LRATD2: variants seen among roughly 807,000 people sequenced by gnomAD.
LRATD2 encodes LRAT domain containing 2.
Under a neutral mutation model 12.0 loss-of-function variants are expected in LRATD2, and 10 were observed. The observed-to-expected ratio is 0.83, with a 90% CI of 0.51 to 1.41. The LOEUF (loss-of-function observed/expected upper bound fraction) is 1.41. Ranked by LOEUF, LRATD2 falls within the 40% of genes most tolerant of loss-of-function variation. LRATD2 has a pLI of 0.00. For missense variants in LRATD2, 455 were observed against 446.1 expected (o/e 1.02, Z -0.18); for synonymous variants, 220 against 205.8 (o/e 1.07, Z -0.59).
At position 126,556,600 on chromosome 8, in the gene LRATD2, C is replaced by CCG; in HGVS notation, c.788_789dup (p.Ala264ArgfsTer64). On this transcript the variant is annotated frameshift_variant, in exon 2 of 2. Transcript: ENST00000304916. LOFTEE classifies it low-confidence loss of function (END_TRUNC). The surrounding 1 kb of genome is among the most constrained non-coding windows in gnomAD (Gnocchi z 5.6). ...TGCGTGGCGAGCTCCTGCAGCACGGCCGCGCGCCCGATCTGGTCGTTGCGT... is the reference window on the plus strand; with the variant it reads ...TGCGTGGCGAGCTCCTGCAGCACGGCCGCGCGCGCCCGATCTGGTCGTTGCGT... The CCG allele has an allele frequency of 6.2e-7, 1 of 1,610,132 alleles. No homozygotes were observed. The highest frequency in any genetic ancestry group is 8.5e-7 in the Non-Finnish European group (1 of 1,178,230).
At position 126,556,613 on chromosome 8, in the gene LRATD2, C is replaced by G. The variant is rs1294154910; in HGVS notation, c.777G>C (p.Gln259His). Residue 259 changes from glutamine to histidine, a missense_variant, in exon 2 of 2, where the codon CAG (glutamine) becomes CAC (histidine). Physicochemically the swap from Gln to His is conservative, Grantham distance 24 (BLOSUM62 0). Transcript: ENST00000304916. The surrounding 1 kb of genome is among the most constrained non-coding windows in gnomAD (Gnocchi z 5.6). ...CCTGCAGCACGGCCGCGCGCCCGAT[C>G]TGGTCGTTGCGTCGCTTCTCCATGA... Reference protein sequence around the residue: ...DLIMEKRRNDQIGRAAVLQEL... With the variant: ...DLIMEKRRNDHIGRAAVLQEL... 6.2e-7 allele frequency: 1 copy of G among 1,611,112 alleles called. No individual in the cohort carries two copies. The highest frequency in any genetic ancestry group is 1.1e-5 in the South Asian group (1 of 90,946).
In LRATD2 at chr8:126,557,478, G is replaced by A; in HGVS notation, c.-89C>T. ...TTGCACAGGTCCCCGGACAGGGGCT[G>A]AGGCTACCTGTTGGGAGAGGAAGGC... On this transcript the variant is annotated 5_prime_UTR_variant, in exon 2 of 2. Coordinates refer to ENST00000304916, the MANE Select transcript of LRATD2 (RefSeq NM_174911.5). This position sits in a 1 kb window ranked among gnomAD's most constrained non-coding sequence, Gnocchi z 5.3. The A allele has an allele frequency of 1.4e-6, 2 of 1,397,816 alleles. No homozygotes were observed. Among genetic ancestry groups the A allele is most frequent in the African/African-American group, 1.5e-5 (1 of 68,792 alleles). 86.6% of individuals were successfully genotyped at this position (1,397,816 alleles called of 1,614,324 possible).
chr8:126,552,527 G>A lies in LRATD2; in HGVS notation c.*3930C>T, dbSNP rs1171388078. On this transcript the variant is annotated 3_prime_UTR_variant, in exon 2 of 2. Coordinates refer to ENST00000304916, the MANE Select transcript of LRATD2 (RefSeq NM_174911.5). ...AGGTTTTATTTTAATAAGACATAGTGAAGAGGAAATGGCTTAAAAGATATC... is the reference window on the plus strand; with the variant it reads ...AGGTTTTATTTTAATAAGACATAGTAAAGAGGAAATGGCTTAAAAGATATC... 4 of 152,648 alleles carry A rather than the reference G, an allele frequency of 2.6e-5. No individual in the cohort carries two copies. The highest frequency in any genetic ancestry group is 6.5e-5 in the Admixed American group (1 of 15,280). The allele number at this position is 152,648 out of a possible 1,614,324, so 9.5% of individuals were successfully genotyped here.
In LRATD2 at chr8:126,556,409, T is replaced by C. The variant is rs1416021128; in HGVS notation, c.*48A>G. ...AGAGAGGGAGAAAGGGAGCAGCGGC[T>C]GCTACTGCAAACAGTTCCCCTTCGC... On this transcript the variant is annotated 3_prime_UTR_variant, in exon 2 of 2. Coordinates refer to ENST00000304916, the MANE Select transcript of LRATD2 (RefSeq NM_174911.5). The surrounding 1 kb of genome is among the most constrained non-coding windows in gnomAD (Gnocchi z 5.6). 1 of 1,490,356 alleles carries C rather than the reference T, an allele frequency of 6.7e-7. No individual in the cohort carries two copies. The highest frequency in any genetic ancestry group is 8.9e-7 in the Non-Finnish European group (1 of 1,121,360). The allele number at this position is 1,490,356 out of a possible 1,614,324, so 92.3% of individuals were successfully genotyped here.
In LRATD2 at chr8:126,556,353, T is replaced by G. The variant is rs1586532030; in HGVS notation, c.*104A>C. ...TTCCAAAGGGCCCAGGAATCCCAGA[T>G]GGGGCCCAGACAGTGGCAAAAGAGG... On this transcript the variant is annotated 3_prime_UTR_variant, in exon 2 of 2. Transcript: ENST00000304916. This position sits in a 1 kb window ranked among gnomAD's most constrained non-coding sequence, Gnocchi z 5.6. The G allele has an allele frequency of 7.6e-7, 1 of 1,309,896 alleles. No individual in the cohort carries two copies. Among genetic ancestry groups the G allele is most frequent in the East Asian group, 2.8e-5 (1 of 35,734 alleles). The allele number at this position is 1,309,896 out of a possible 1,614,324, so 81.1% of individuals were successfully genotyped here. A position where few individuals can be genotyped will look rare whatever the true frequency, so the allele number is the denominator to read the frequency against.
chr8:126,556,433 G>T lies in LRATD2; in HGVS notation c.*24C>A, dbSNP rs1403857025. ...CTGCTACTGCAAACAGTTCCCCTTC[G>T]CAGCTCTGCGCTCAGCTCGCCCATC... On this transcript the variant is annotated 3_prime_UTR_variant, in exon 2 of 2. Coordinates refer to ENST00000304916, the MANE Select transcript of LRATD2 (RefSeq NM_174911.5). This position sits in a 1 kb window ranked among gnomAD's most constrained non-coding sequence, Gnocchi z 5.6. 2.0e-6 allele frequency: 3 copies of T among 1,531,038 alleles called. No individual in the cohort carries two copies. Among genetic ancestry groups the T allele is most frequent in the South Asian group, 2.5e-5 (2 of 79,800 alleles). The allele number at this position is 1,531,038 out of a possible 1,614,324, so 94.8% of individuals were successfully genotyped here.
At position 126,558,170 on chromosome 8, in the gene LRATD2, C is replaced by T. The variant is rs181485506; in HGVS notation, c.-233G>A. 8.5e-5 allele frequency: 13 copies of T among 153,070 alleles called. No homozygotes were observed. Among genetic ancestry groups the T allele is most frequent in the Non-Finnish European group, 1.9e-4 (13 of 68,658 alleles). The allele number at this position is 153,070 out of a possible 1,614,324, so 9.5% of individuals were successfully genotyped here. A position where few individuals can be genotyped will look rare whatever the true frequency, so the allele number is the denominator to read the frequency against. On this transcript the variant is annotated 5_prime_UTR_variant, in exon 1 of 2. Transcript: ENST00000304916. ...GGCGGCAGCGAGGCTGGGCAGAGGG[C>T]AGCGCAGCGGGCAGACTAGGGGCAT... is the stretch of plus-strand genomic sequence containing the variant.
Position 126,553,191 on chromosome 8 carries a change from A to C in LRATD2, c.*3266T>G, listed in dbSNP as rs989570207. The C allele has an allele frequency of 6.6e-6, 1 of 152,298 alleles. No homozygotes were observed. Among genetic ancestry groups the C allele is most frequent in the Non-Finnish European group, 1.5e-5 (1 of 68,046 alleles). 9.4% of individuals were successfully genotyped at this position (152,298 alleles called of 1,614,324 possible). On this transcript the variant is annotated 3_prime_UTR_variant, in exon 2 of 2. Transcript: ENST00000304916. ...ACATTTCCTTATAGGTCTGGAGTAA[A>C]ATCTTCTAGGCATTTTAGTGCTAAA... is the stretch of plus-strand genomic sequence containing the variant.
In LRATD2 at chr8:126,556,556, C is replaced by G; in HGVS notation, c.834G>C (p.Pro278=). 6.2e-7 allele frequency: 1 copy of G among 1,606,718 alleles called. No individual in the cohort carries two copies. ...ELATHLHPAE[P]EEGDSNVART... is the part of the protein sequence containing the mutation. ...GCGCCACGTTGCTGTCGCCCTCCTC[C>G]GGCTCCGCCGGGTGCAGGTGCGTGG... The change falls in exon 2 of 2, where the codon CCG becomes CCC. Residue 278 remains proline (P), a synonymous_variant. Coordinates refer to ENST00000304916, the MANE Select transcript of LRATD2 (RefSeq NM_174911.5). The surrounding 1 kb of genome is among the most constrained non-coding windows in gnomAD (Gnocchi z 5.6).
Position 126,553,394 on chromosome 8 carries a change from G to A in LRATD2, c.*3063C>T, listed in dbSNP as rs930278357. Reference sequence around the variant, plus strand: ...CTTTCATTTAGCATACGTTCCAGTCGATGTCCTGCTTATCCCTGCCAGAAC... The same window carrying A: ...CTTTCATTTAGCATACGTTCCAGTCAATGTCCTGCTTATCCCTGCCAGAAC... On this transcript the variant is annotated 3_prime_UTR_variant, in exon 2 of 2. Coordinates refer to ENST00000304916, the MANE Select transcript of LRATD2 (RefSeq NM_174911.5). 3 of 152,620 alleles carry A rather than the reference G, an allele frequency of 2.0e-5. No individual in the cohort carries two copies. Among genetic ancestry groups the A allele is most frequent in the Non-Finnish European group, 2.9e-5 (2 of 68,050 alleles). The allele number at this position is 152,620 out of a possible 1,614,324, so 9.5% of individuals were successfully genotyped here. A position where few individuals can be genotyped will look rare whatever the true frequency, so the allele number is the denominator to read the frequency against.
rs982074240 is a variant in LRATD2 at position 126,554,582 on chromosome 8, A to G, written c.*1875T>C. 2 of 152,232 alleles carry G rather than the reference A, an allele frequency of 1.3e-5. No individual in the cohort carries two copies. The highest frequency in any genetic ancestry group is 4.8e-5 in the African/African-American group (2 of 41,470). The allele number at this position is 152,232 out of a possible 1,614,324, so 9.4% of individuals were successfully genotyped here. On this transcript the variant is annotated 3_prime_UTR_variant, in exon 2 of 2. Transcript: ENST00000304916. ...GATCTGTTTGGTGATCACTGTAAAA[A>G]CAGGAAACATAGCTAATGCCCTTTC...
rs1817335602 is a variant in LRATD2 at position 126,554,140 on chromosome 8, G to A, written c.*2317C>T. ...TCTGCCTCAGGCTCCCAAGTAGCAG[G>A]CATTACAGGCGCCTGCCACCACGCC... On this transcript the variant is annotated 3_prime_UTR_variant, in exon 2 of 2. Transcript: ENST00000304916. The A allele has an allele frequency of 6.6e-6, 1 of 152,284 alleles. No individual in the cohort carries two copies. The highest frequency in any genetic ancestry group is 2.1e-4 in the South Asian group (1 of 4,830). The allele number at this position is 152,284 out of a possible 1,614,324, so 9.4% of individuals were successfully genotyped here.
chr8:126,557,454 T>C lies in LRATD2; in HGVS notation c.-65A>G. The C allele has an allele frequency of 6.4e-7, 1 of 1,551,336 alleles. No individual in the cohort carries two copies. The highest frequency in any genetic ancestry group is 1.2e-5 in the South Asian group (1 of 85,328). On this transcript the variant is annotated 5_prime_UTR_variant, in exon 2 of 2. Transcript: ENST00000304916. This position sits in a 1 kb window ranked among gnomAD's most constrained non-coding sequence, Gnocchi z 5.3. ...AAGCGAAACCAACTCCAGGGTCATTTGCACAGGTCCCCGGACAGGGGCTGA... is the reference window on the plus strand; with the variant it reads ...AAGCGAAACCAACTCCAGGGTCATTCGCACAGGTCCCCGGACAGGGGCTGA...
Position 126,556,533 on chromosome 8 carries a change from G to T in LRATD2, c.857C>A (p.Ala286Glu). Residue 286 changes from alanine (A) to glutamate (E), a missense_variant, in exon 2 of 2, where the codon GCG (alanine) becomes GAG (glutamate). By Grantham distance (107) the Ala-to-Glu change is moderately radical. Coordinates refer to ENST00000304916, the MANE Select transcript of LRATD2 (RefSeq NM_174911.5). The surrounding 1 kb of genome is among the most constrained non-coding windows in gnomAD (Gnocchi z 5.6). ...AEPEEGDSNV[A>E]RTTPPPGRPP... Reference sequence around the variant, plus strand: ...GCGCCCGGGAGGCGGCGTAGTCCGCGCCACGTTGCTGTCGCCCTCCTCCGG... The same window carrying T: ...GCGCCCGGGAGGCGGCGTAGTCCGCTCCACGTTGCTGTCGCCCTCCTCCGG... The T allele has an allele frequency of 1.2e-6, 2 of 1,601,040 alleles. No individual in the cohort carries two copies. Among genetic ancestry groups the T allele is most frequent in the South Asian group, 1.1e-5 (1 of 89,310 alleles).
At position 126,554,069 on chromosome 8, in the gene LRATD2, G is replaced by C. The variant is rs531127877; in HGVS notation, c.*2388C>G. On this transcript the variant is annotated 3_prime_UTR_variant, in exon 2 of 2. Coordinates refer to ENST00000304916, the MANE Select transcript of LRATD2 (RefSeq NM_174911.5). ...TGCCCAGGCTGGAGTGCAGTGGTGC[G>C]ATCTCGGCTCACTGCAACCTCTGCT... The C allele has an allele frequency of 1.3e-5, 2 of 152,578 alleles. No individual in the cohort carries two copies. The highest frequency in any genetic ancestry group is 4.8e-5 in the African/African-American group (2 of 41,576). The allele number at this position is 152,578 out of a possible 1,614,324, so 9.5% of individuals were successfully genotyped here. A position where few individuals can be genotyped will look rare whatever the true frequency, so the allele number is the denominator to read the frequency against.
Position 126,556,999 on chromosome 8 carries a change from G to A in LRATD2, c.391C>T (p.Pro131Ser), listed in dbSNP as rs1325192669. The A allele has an allele frequency of 2.5e-6, 4 of 1,607,530 alleles. No individual in the cohort carries two copies. Among genetic ancestry groups the A allele is most frequent in the Admixed American group, 3.3e-5 (2 of 60,014 alleles). ...TTACCCACATATACGGCCCAGTGCG[G>A]GTACTGAGCCTGCGACACGAACTCC... is the stretch of plus-strand genomic sequence containing the variant. ...LVEFVSQAQY[P>S]HWAVYVGNFQ... Residue 131 changes from proline (P) to serine (S), a missense_variant, in exon 2 of 2, where the codon CCG becomes TCG. Physicochemically the swap from Pro to Ser is moderately conservative, Grantham distance 74. Coordinates refer to ENST00000304916, the MANE Select transcript of LRATD2 (RefSeq NM_174911.5). This position sits in a 1 kb window ranked among gnomAD's most constrained non-coding sequence, Gnocchi z 5.6.
chr8:126,557,056 G>T lies in LRATD2; in HGVS notation c.334C>A (p.Leu112Met). Residue 112 changes from leucine to methionine, a missense_variant, in exon 2 of 2, where the codon CTG becomes ATG. Physicochemically the swap from Leu to Met is conservative, Grantham distance 15. Transcript: ENST00000304916. The surrounding 1 kb of genome is among the most constrained non-coding windows in gnomAD (Gnocchi z 5.3). Reference protein sequence around the residue: ...AALSTYTPENLLNKCKPGDLV... With the variant: ...AALSTYTPENMLNKCKPGDLV... ...TCGCCCGGCTTGCACTTGTTGAGCA[G>T]GTTCTCGGGCGTGTAGGTACTCAGC... 6.2e-7 allele frequency: 1 copy of T among 1,608,334 alleles called. No individual in the cohort carries two copies. The highest frequency in any genetic ancestry group is 8.5e-7 in the Non-Finnish European group (1 of 1,179,990).
rs1817487001 is a variant in LRATD2 at position 126,558,463 on chromosome 8, A to G, written c.-526T>C. 1.3e-5 allele frequency: 2 copies of G among 152,098 alleles called. No individual in the cohort carries two copies. Among genetic ancestry groups the G allele is most frequent in the Admixed American group, 6.5e-5 (1 of 15,276 alleles). The allele number at this position is 152,098 out of a possible 1,614,324, so 9.4% of individuals were successfully genotyped here. A position where few individuals can be genotyped will look rare whatever the true frequency, so the allele number is the denominator to read the frequency against. On this transcript the variant is annotated 5_prime_UTR_variant, in exon 1 of 2. An upstream start codon of the reference 5' UTR is lost. Transcript: ENST00000304916. Reference sequence around the variant, plus strand: ...CCCGGGCGGGAGCGCAGCCCGTGGCATTTAAAGAGACAGGCGCTCACTCCC... The same window carrying G: ...CCCGGGCGGGAGCGCAGCCCGTGGCGTTTAAAGAGACAGGCGCTCACTCCC...
In LRATD2 at chr8:126,556,634, C is replaced by T; in HGVS notation, c.756G>A (p.Met252Ile). 5.6e-6 allele frequency: 9 copies of T among 1,611,642 alleles called. No individual in the cohort carries two copies. Among genetic ancestry groups the T allele is most frequent in the Non-Finnish European group, 7.6e-6 (9 of 1,179,218 alleles). ...CGATCTGGTCGTTGCGTCGCTTCTC[C>T]ATGATCAGGTCCTCTAGACTCTGGA... The part of the protein sequence containing the change: ...LEFQSLEDLI[M>I]EKRRNDQIGR... Residue 252 changes from methionine to isoleucine, a missense_variant, in exon 2 of 2, where the codon ATG becomes ATA. Coordinates refer to ENST00000304916, the MANE Select transcript of LRATD2 (RefSeq NM_174911.5). The surrounding 1 kb of genome is among the most constrained non-coding windows in gnomAD (Gnocchi z 5.6).
Sources: allele counts gnomAD v4.1 joint callset, GRCh38; gene constraint gnomAD v4.1.1; non-coding constraint Gnocchi (gnomAD v3.1); transcripts MANE v1.5; gene names NCBI Gene and HGNC (gene_info 2026-07-23, HGNC 2026-07-21).